The following TMTC1 variants were observed in gnomAD, a reference collection of about 807,000 sequenced individuals.
The protein encoded by TMTC1 is protein O-mannosyl-transferase TMTC1.
Under a neutral mutation model 104.8 loss-of-function variants are expected in TMTC1, and 73 were observed. That is an observed-to-expected ratio of 0.70 (90% confidence interval 0.58 to 0.85). TMTC1 has a LOEUF of 0.85. TMTC1 is among the 40% of genes least tolerant of loss of function. The pLI is 0.00. For synonymous variants in TMTC1, 434 were observed against 428.7 expected (o/e 1.01, Z -0.15); for missense variants, 1,035 against 1,096.1 (o/e 0.94, Z 0.79).
At chr12:29,608,275 A>C (rs932628315) in intron 6 of TMTC1, among the ~76,000 whole-genome samples, 3 of 152,226 alleles carry the variant, frequency 2.0e-5, no homozygotes, top group African/African-American at 7.2e-5. Context: ...ATGTGACAAA[A>C]TTGGCTAAAT....
chr12:29,738,562 A>G (rs1388344836), intron 5 of TMTC1, among the ~76,000 whole-genome samples: 2 of 152,230 alleles, frequency 1.3e-5, no homozygotes, highest in African/African-American at 4.8e-5. Context: ...TTTACTTCAC[A>G]TCTGCTCATT....
chr12:29,783,865 G>C lies in TMTC1; in HGVS notation c.-114C>G. On this transcript the variant is annotated 5_prime_UTR_variant, in exon 1 of 18. Transcript: ENST00000539277. This position sits in a 1 kb window ranked among gnomAD's most constrained non-coding sequence, Gnocchi z 4.7. The stretch of plus-strand genomic sequence containing the variant: ...CGGAGGGGGGCTCGGGCATGGTGCT[G>C]CGGCAGCTGGACCCGCCGCGAGCTC... The C allele has an allele frequency of 2.0e-6, 2 of 998,918 alleles. No individual in the cohort carries two copies. Among genetic ancestry groups the C allele is most frequent in the South Asian group, 4.8e-5 (1 of 20,908 alleles). The allele number at this position is 998,918 out of a possible 1,614,324, so 61.9% of individuals were successfully genotyped here.
At chr12:29,559,021 A>G (rs993422238) in intron 9 of TMTC1, among the ~76,000 whole-genome samples, 5 of 152,230 alleles carry the variant, frequency 3.3e-5, no homozygotes, top group Non-Finnish European at 1.5e-5. Flanking sequence ...TCAGCAAAGC[A>G]CTGTAACCAT....
intron 5 of TMTC1, among the ~76,000 whole-genome samples, chr12:29,644,065 TAATTTATAGATAAATATAAATATAA>T (rs1939132202): frequency 8.5e-5 from 2 of 23,464 alleles, no homozygotes; most frequent in Non-Finnish European, 1.6e-4. Context: ...TATAAATATA[TAATTTATAGATAAATATAAATATAA>T]ATATAAATAT....
At chr12:29,691,593 G>A (rs12321940) in intron 5 of TMTC1, among the ~76,000 whole-genome samples, 16,843 of 142,982 alleles carry the variant, frequency 0.12, 3,041 homozygotes, top group African/African-American at 0.25. Flanking sequence ...GACCATTACC[G>A]GAAGCCAAAA....
intron 7 of TMTC1, among the ~76,000 whole-genome samples, chr12:29,590,622 TAA>T (rs1428881760): frequency 1.3e-5 from 2 of 152,152 alleles, no homozygotes; most frequent in East Asian, 3.9e-4. Flanking sequence ...CTGTCTCTAC[TAA>T]AAATACCAAA....
chr12:29,633,790 A>G (rs1244485416), intron 5 of TMTC1, among the ~76,000 whole-genome samples: 1 of 150,584 alleles, frequency 6.6e-6, no homozygotes, highest in African/African-American at 2.5e-5. Flanking sequence ...GTATGGAGAT[A>G]ATATGTGGTA....
At chr12:29,713,192 A>G (rs1467576142) in intron 5 of TMTC1, among the ~76,000 whole-genome samples, 4 of 151,684 alleles carry the variant, frequency 2.6e-5, no homozygotes, top group African/African-American at 7.3e-5. Context: ...TACAACACCA[A>G]CTGCTGCCTG....
chr12:29,543,674 G>A (rs763707451), intron 10 of TMTC1, among the ~76,000 whole-genome samples: 1 of 152,190 alleles, frequency 6.6e-6, no homozygotes, highest in Non-Finnish European at 1.5e-5. Flanking sequence ...AATTGTGAAA[G>A]TCAAATTGTA....
intron 7 of TMTC1, among the ~76,000 whole-genome samples, chr12:29,595,048 T>C (rs1026117100): frequency 6.6e-6 from 1 of 152,220 alleles, no homozygotes; most frequent in African/African-American, 2.4e-5. Flanking sequence ...ATTAGTTACC[T>C]GGCATAGCTT....
rs539770797 is a variant in TMTC1 at position 29,672,871 on chromosome 12, G to A, written c.939-39535C>T. Among the ~76,000 whole-genome samples, 18 of 152,172 alleles carry A rather than the reference G, an allele frequency of 1.2e-4. No homozygotes were observed. The South Asian group carries it at 2.5e-3, about 21-fold the overall frequency. ...GGTGGCCTCATAAAACGCAACACCC[G>A]TTATAAGGAGGTAAACAATGTAGAG... On this transcript the variant is annotated intron_variant, in intron 5 of 17. Transcript: ENST00000539277.
intron 11 of TMTC1, among the ~76,000 whole-genome samples, chr12:29,523,248 G>A (rs1007679721): frequency 6.6e-6 from 1 of 152,176 alleles, no homozygotes; most frequent in Admixed American, 6.5e-5. Context: ...TTCACAGATT[G>A]GGCAACCCCC....
intron 14 of TMTC1, among the ~76,000 whole-genome samples, chr12:29,517,224 A>T (rs1282819331): frequency 6.6e-6 from 1 of 152,218 alleles, no homozygotes; most frequent in Admixed American, 6.5e-5. Context: ...CACTTTCATA[A>T]GTTTGAAGTT....
Position 29,676,515 on chromosome 12 carries a change from CAT to C in TMTC1, c.939-43181_939-43180del, listed in dbSNP as rs541215005. Among the ~76,000 whole-genome samples, 6 of 152,286 alleles carry C rather than the reference CAT, an allele frequency of 3.9e-5. No homozygotes were observed. The South Asian group carries it at 1.2e-3, about 32-fold the overall frequency. ...ATCAGGAGAGAATCAAACTCCAGAG[CAT>C]ATATTTTGATACATCCTTTGCTCAA... On this transcript the variant is annotated intron_variant, in intron 5 of 17. Coordinates refer to ENST00000539277, the MANE Select transcript of TMTC1 (RefSeq NM_001193451.2).
chr12:29,717,241 T>A (rs914119845), intron 5 of TMTC1, among the ~76,000 whole-genome samples: 1 of 152,170 alleles, frequency 6.6e-6, no homozygotes, highest in Non-Finnish European at 1.5e-5. Flanking sequence ...ACGAAAAATT[T>A]TAGGTGCCAA....
chr12:29,716,014 T>TTATTAC, intron 5 of TMTC1, among the ~76,000 whole-genome samples: 1 of 147,982 alleles, frequency 6.8e-6, no homozygotes, highest in African/African-American at 2.5e-5. Flanking sequence ...ATTATTATTA[T>TTATTAC]TATTATTATT....
chr12:29,605,560 A>AC (rs1192743898), intron 6 of TMTC1, among the ~76,000 whole-genome samples: 1 of 135,758 alleles, frequency 7.4e-6, no homozygotes, highest in African/African-American at 2.8e-5. Flanking sequence ...ACCAAAACTG[A>AC]CCAAAAAGGG....
At chr12:29,646,163 G>A (rs1308589444) in intron 5 of TMTC1, among the ~76,000 whole-genome samples, 1 of 152,182 alleles carries the variant, frequency 6.6e-6, no homozygotes, top group Non-Finnish European at 1.5e-5. Flanking sequence ...CTGAGACCCT[G>A]ACTCACTCCT....
At chr12:29,657,626 T>TA (rs5797329) in intron 5 of TMTC1, among the ~76,000 whole-genome samples, 17,969 of 152,200 alleles carry the variant, frequency 0.12, 1,069 homozygotes, top group African/African-American at 0.14. Flanking sequence ...ACATAGTTTT[T>TA]ATTATAAAAA....
Sources: gnomAD v4.1 joint callset for allele counts (sites outside exome capture counted in the v4.1 genomes callset) on GRCh38, gnomAD v4.1.1 for gene constraint, Gnocchi (gnomAD v3.1) non-coding constraint, MANE v1.5 for transcripts, NCBI Gene and HGNC (gene_info 2026-07-23, HGNC 2026-07-21) for gene names.